Variants in NUP37 observed in about 807,000 individuals in gnomAD.
The protein encoded by NUP37 is nucleoporin 37, also known as nucleoporin Nup37.
A neutral mutation model predicts 45.4 loss-of-function variants in NUP37; 33 were observed. That is an observed-to-expected ratio of 0.73 (90% CI 0.55 to 0.97). The LOEUF is 0.97. Ranked by LOEUF, NUP37 falls within the 50% of genes least tolerant of loss-of-function variation. The pLI is 0.00. For missense variants in NUP37, 365 were observed against 389.7 expected (o/e 0.94, Z 0.53); for synonymous variants, 127 against 130.7 (o/e 0.97, Z 0.19).
chr12:102,076,747 C>G (rs755551389), intron 8 of NUP37, 50 bp downstream of exon 8: 2 of 1,514,880 alleles, frequency 1.3e-6, no homozygotes, highest in Non-Finnish European at 1.8e-6. Flanking sequence ...AGTGGTGGCA[C>G]AGCAACGTCA....
At chr12:102,074,857 C>T in intron 9 of NUP37, 144 bp downstream of exon 9, 1 of 463,110 alleles carries the variant, frequency 2.2e-6, no homozygotes, top group East Asian at 3.4e-5. Flanking sequence ...AACAAATGAA[C>T]CACCTTTTCT....
chr12:102,102,213 C>A (rs908997549), intron 3 of NUP37, among the ~76,000 whole-genome samples: 3 of 152,060 alleles, frequency 2.0e-5, no homozygotes, highest in Admixed American at 2.0e-4. Context: ...GTACAGTGAG[C>A]CATTTTTTCT....
chr12:102,110,979 A>G (rs552534765), intron 3 of NUP37, among the ~76,000 whole-genome samples: 3 of 152,236 alleles, frequency 2.0e-5, no homozygotes, highest in Non-Finnish European at 4.4e-5. Flanking sequence ...TGACTCAGCA[A>G]TTCTACTCCT....
intron 2 of NUP37, among the ~76,000 whole-genome samples, chr12:102,117,254 G>C (rs1880490715): frequency 6.6e-6 from 1 of 151,968 alleles, no homozygotes; most frequent in Admixed American, 6.6e-5. Context: ...AGGAGTTCGA[G>C]ACCAGTCTGG....
chr12:102,099,337 T>A (rs1879906448), intron 4 of NUP37, 137 bp from the exon 5 acceptor site: 1 of 658,018 alleles, frequency 1.5e-6, no homozygotes, highest in East Asian at 2.7e-5. Context: ...AGCAATCCGC[T>A]ATTTTTAAAG....
chr12:102,082,725 G>C (rs1879363761), intron 6 of NUP37, among the ~76,000 whole-genome samples: 1 of 152,124 alleles, frequency 6.6e-6, no homozygotes. Flanking sequence ...AGCAGTGATA[G>C]GATGAAACTG....
chr12:102,094,713 G>C (rs1183139949), intron 5 of NUP37, among the ~76,000 whole-genome samples: 1 of 151,976 alleles, frequency 6.6e-6, no homozygotes, highest in Admixed American at 6.6e-5. Context: ...CCTTTATACA[G>C]TGATTTGGTT....
At chr12:102,100,984 AAC>A (rs753553793) in intron 4 of NUP37, 46 bp downstream of exon 4, 44 of 1,197,358 alleles carry the variant, frequency 3.7e-5, no homozygotes, top group Non-Finnish European at 4.8e-5. Flanking sequence ...GCAAAAAACA[AAC>A]ACGTTTTAAA....
At chr12:102,118,252 T>C (rs1321964514) in intron 2 of NUP37, 111 bp downstream of exon 2, 4 of 1,066,502 alleles carry the variant, frequency 3.8e-6, no homozygotes, top group Non-Finnish European at 5.4e-6. Context: ...TTATCTTTTT[T>C]TTTTTTAACA....
intron 5 of NUP37, among the ~76,000 whole-genome samples, chr12:102,097,132 G>A (rs76924228): frequency 0.035 from 5,398 of 152,092 alleles, 388 homozygotes; most frequent in East Asian, 0.3. Flanking sequence ...GAGCACAGGA[G>A]GTCAAGTCAA....
chr12:102,109,022 AAATT>A (rs753773714), intron 3 of NUP37, among the ~76,000 whole-genome samples: 1 of 152,214 alleles, frequency 6.6e-6, no homozygotes, highest in Non-Finnish European at 1.5e-5. Flanking sequence ...CTTAAAAAGA[AAATT>A]AATAATCTTA....
intron 5 of NUP37, among the ~76,000 whole-genome samples, chr12:102,088,815 C>T (rs1419994798): frequency 2.0e-5 from 3 of 150,834 alleles, no homozygotes; most frequent in African/African-American, 4.9e-5. Context: ...CAGATTAACA[C>T]GTGAACAAAG....
At chr12:102,087,436 A>G (rs909813434) in intron 5 of NUP37, among the ~76,000 whole-genome samples, 1 of 152,250 alleles carries the variant, frequency 6.6e-6, no homozygotes, top group Non-Finnish European at 1.5e-5. Flanking sequence ...TGATTAAACA[A>G]TTTAGAAGCA....
At chr12:102,096,626 T>TAC (rs1209719549) in intron 5 of NUP37, among the ~76,000 whole-genome samples, 1 of 152,166 alleles carries the variant, frequency 6.6e-6, no homozygotes, top group Non-Finnish European at 1.5e-5. Flanking sequence ...CAGTACAGAA[T>TAC]ACATATTGTA....
intron 8 of NUP37, among the ~76,000 whole-genome samples, 167 bp downstream of exon 8, chr12:102,076,630 C>T (rs1879175624): frequency 6.6e-6 from 1 of 151,730 alleles, no homozygotes; most frequent in South Asian, 2.1e-4. Flanking sequence ...CTTGTCTAGA[C>T]CAAAAGACAA....
chr12:102,088,318 C>T (rs1245579273), intron 5 of NUP37, among the ~76,000 whole-genome samples: 2 of 152,112 alleles, frequency 1.3e-5, no homozygotes, highest in South Asian at 2.1e-4. Context: ...ATATTACTTA[C>T]ATGAGATAGT....
Position 102,099,254 on chromosome 12 carries a change from A to G in NUP37, c.355-54T>C. The G allele has an allele frequency of 2.5e-6, 3 of 1,190,182 alleles. No individual in the cohort carries two copies. The African/African-American group carries it at 4.5e-5, about 18-fold the overall frequency. The allele number at this position is 1,190,182 out of a possible 1,614,324, so 73.7% of individuals were successfully genotyped here. On this transcript the variant is annotated intron_variant, in intron 4 of 9. Transcript: ENST00000552283. The stretch of plus-strand genomic sequence containing the variant: ...CAAGAAAACAGAAAAATAACCTACA[A>G]TATTCCTACATAATATTTTTGCTTC...
chr12:102,078,319 T>C, intron 6 of NUP37, among the ~76,000 whole-genome samples: 1 of 144,700 alleles, frequency 6.9e-6, no homozygotes. Flanking sequence ...AGAGCGAAAT[T>C]CCTTCTTTAA....
intron 2 of NUP37, among the ~76,000 whole-genome samples, chr12:102,112,474 A>T (rs956338764): frequency 2.0e-5 from 3 of 152,164 alleles, no homozygotes; most frequent in Non-Finnish European, 4.4e-5. Context: ...ACTTTATCTT[A>T]GGAGGCATTT....
Sources: gnomAD v4.1 joint callset for allele counts (sites outside exome capture counted in the v4.1 genomes callset) on GRCh38, gnomAD v4.1.1 for gene constraint, MANE v1.5 for transcripts, NCBI Gene and HGNC (gene_info 2026-07-23, HGNC 2026-07-21) for gene names.